CENPK: variants seen among roughly 807,000 people sequenced by gnomAD.
The protein encoded by CENPK is SoxLZ/Sox6-binding protein Solt.
In CENPK, 46 loss-of-function variants were observed where a neutral mutation model predicts 40.9. The observed-to-expected ratio is 1.13, with a 90% CI of 0.89 to 1.44. The LOEUF (loss-of-function observed/expected upper bound fraction) is 1.44. CENPK is among the 40% of genes most tolerant of loss of function. CENPK has a pLI of 0.00. For synonymous variants in CENPK, 107 were observed against 104.4 expected (o/e 1.02, Z -0.15); for missense variants, 288 against 303.5 (o/e 0.95, Z 0.38).
At chr5:65,560,878 A>G (rs1309656171) in intron 2 of CENPK, 1 of 152,192 alleles carries the variant, frequency 6.6e-6, no homozygotes, top group African/African-American at 2.4e-5. Flanking sequence ...GCATAAGTCT[A>G]TACAATTATG....
At chr5:65,526,700 C>T (rs1348493627) in intron 9 of CENPK, among the ~76,000 whole-genome samples, 1 of 152,196 alleles carries the variant, frequency 6.6e-6, no homozygotes, top group Non-Finnish European at 1.5e-5. Context: ...TAGCTCACAT[C>T]TGTAGTCCCA....
chr5:65,548,312 A>T (rs1013950419), intron 5 of CENPK, among the ~76,000 whole-genome samples: 2 of 152,078 alleles, frequency 1.3e-5, no homozygotes, highest in African/African-American at 2.4e-5. Flanking sequence ...ACCTTATTTT[A>T]AAAAAAACCT....
intron 3 of CENPK, 125 bp downstream of exon 3, chr5:65,554,672 T>TG: frequency 1.6e-6 from 1 of 644,244 alleles, no homozygotes; most frequent in African/African-American, 1.8e-5. Context: ...CTAAAAGCTA[T>TG]ATAAATATTT....
downstream of CENPK, among the ~76,000 whole-genome samples, chr5:65,515,141 C>T (rs1742772875): frequency 6.6e-6 from 1 of 151,494 alleles, no homozygotes; most frequent in South Asian, 2.1e-4. Flanking sequence ...TAACATTTTC[C>T]AATATATGCA....
intron 2 of CENPK, among the ~76,000 whole-genome samples, chr5:65,555,786 T>C (rs1414621041): frequency 2.6e-5 from 4 of 152,160 alleles, no homozygotes; most frequent in Non-Finnish European, 5.9e-5. Context: ...GTGAGAAAGA[T>C]GGTAAAAGAA....
chr5:65,495,947 T>C, the CENPK span, among the ~76,000 whole-genome samples: 4 of 152,210 alleles, frequency 2.6e-5, no homozygotes, highest in Non-Finnish European at 5.9e-5. Context: ...TGGAAAGGCA[T>C]TTGGCAATAT....
downstream of CENPK, among the ~76,000 whole-genome samples, chr5:65,515,459 C>G (rs1257849450): frequency 1.3e-5 from 2 of 152,094 alleles, no homozygotes; most frequent in African/African-American, 4.8e-5. Flanking sequence ...ACTCGGCCTC[C>G]CAACAAGTGC....
intron 5 of CENPK, among the ~76,000 whole-genome samples, chr5:65,549,017 G>A (rs1749508782): frequency 6.6e-6 from 1 of 152,100 alleles, no homozygotes; most frequent in Non-Finnish European, 1.5e-5. Flanking sequence ...GACCATCAGA[G>A]GACTTATGAC....
chr5:65,514,263 G>GTTTTTTTTTTTCTTT (rs59636233), downstream of CENPK, among the ~76,000 whole-genome samples: 1 of 27,734 alleles, frequency 3.6e-5, no homozygotes, highest in Non-Finnish European at 6.3e-5. Flanking sequence ...TTTTTTTTTA[G>GTTTTTTTTTTTCTTT]TTTTTTTTAG....
intron 5 of CENPK, among the ~76,000 whole-genome samples, chr5:65,546,222 TC>T (rs1357291606): frequency 8.0e-6 from 1 of 124,954 alleles, no homozygotes; most frequent in Non-Finnish European, 1.7e-5. Context: ...TGTTCTATTC[TC>T]CCCTGCCCCC....
chr5:65,519,193 G>A (rs1170271145), intron 10 of CENPK, among the ~76,000 whole-genome samples: 1 of 152,078 alleles, frequency 6.6e-6, no homozygotes, highest in Non-Finnish European at 1.5e-5. Context: ...ATATAGGCTA[G>A]CATTTTCCAA....
At chr5:65,529,410 T>G in intron 6 of CENPK, 1 of 451,124 alleles carries the variant, frequency 2.2e-6, no homozygotes, top group East Asian at 3.7e-5. Context: ...CAAGAGGTTT[T>G]GAGCAGTAAA....
At position 65,561,491 on chromosome 5, in the gene CENPK, T is replaced by G. The variant is rs1751955831; in HGVS notation, c.-68A>C. The G allele has an allele frequency of 2.2e-6, 1 of 456,020 alleles. No individual in the cohort carries two copies. Among genetic ancestry groups the G allele is most frequent in the Non-Finnish European group, 4.4e-6 (1 of 226,868 alleles). The allele number at this position is 456,020 out of a possible 1,614,324, so 28.2% of individuals were successfully genotyped here. Reference sequence around the variant, plus strand: ...TTGAGGATGCAAGATGTAAGCTGTATGTAACCTGGAAGAGGGTCATCAACA... The same window carrying G: ...TTGAGGATGCAAGATGTAAGCTGTAGGTAACCTGGAAGAGGGTCATCAACA... On this transcript the variant is annotated 5_prime_UTR_variant, in exon 2 of 11. Transcript: ENST00000396679.
chr5:65,545,690 A>G (rs1748816931), intron 5 of CENPK, among the ~76,000 whole-genome samples: 1 of 152,200 alleles, frequency 6.6e-6, no homozygotes, highest in South Asian at 2.1e-4. Context: ...AACATGGACT[A>G]AAGCTACCAT....
intron 6 of CENPK, among the ~76,000 whole-genome samples, chr5:65,535,927 T>C (rs1746812381): frequency 6.6e-6 from 1 of 152,192 alleles, no homozygotes; most frequent in South Asian, 2.1e-4. Flanking sequence ...TAAAGTTTGA[T>C]GTCAGATGGT....
chr5:65,497,496 G>C, the CENPK span, among the ~76,000 whole-genome samples: 1 of 152,176 alleles, frequency 6.6e-6, no homozygotes, highest in Admixed American at 6.5e-5. Context: ...AGGAGAAAGA[G>C]CAACAGAATG....
chr5:65,546,886 T>A (rs1281627255), intron 5 of CENPK, among the ~76,000 whole-genome samples: 3 of 152,200 alleles, frequency 2.0e-5, no homozygotes, highest in Non-Finnish European at 4.4e-5. Context: ...TCCATAGTAG[T>A]TTGTTATGAT....
the CENPK span, among the ~76,000 whole-genome samples, chr5:65,507,150 A>G: frequency 2.0e-5 from 3 of 152,274 alleles, no homozygotes; most frequent in Non-Finnish European, 4.4e-5. Flanking sequence ...AGCTCTCCTT[A>G]TGGTTACAAA....
intron 5 of CENPK, among the ~76,000 whole-genome samples, chr5:65,544,926 T>A (rs534488290): frequency 1.3e-5 from 2 of 152,174 alleles, no homozygotes; most frequent in East Asian, 3.9e-4. Context: ...ATTTGCAAGA[T>A]GAAAAAGTTC....
Sources: allele counts gnomAD v4.1 joint callset (sites outside exome capture counted in the v4.1 genomes callset), GRCh38; gene constraint gnomAD v4.1.1; transcripts MANE v1.5; gene names NCBI Gene and HGNC (gene_info 2026-07-23, HGNC 2026-07-21).